The following MAST4 variants were observed in gnomAD, a reference collection of about 807,000 sequenced individuals.
MAST4 encodes microtubule associated serine/threonine kinase family member 4.
Under a neutral mutation model 162.7 loss-of-function variants are expected in MAST4, and 89 were observed. The observed-to-expected ratio is 0.55, with a 90% CI of 0.46 to 0.65. The LOEUF (loss-of-function observed/expected upper bound fraction) is 0.65, where lower values mean the gene tolerates loss of function less well. Among genes scored for constraint, MAST4 ranks in the 30% least tolerant of loss-of-function variants. The probability of loss-of-function intolerance (pLI) is 0.00; values close to 1 mark genes in which losing one functional copy is unlikely to be tolerated. For synonymous variants in MAST4, 1,479 were observed against 1,361.1 expected (o/e 1.09, Z -1.91); for missense variants, 3,153 against 3,374.0 (o/e 0.93, Z 1.62).
intron 24 of MAST4, among the ~76,000 whole-genome samples, chr5:67,150,538 T>G (rs1311255300): frequency 6.6e-6 from 1 of 152,186 alleles, no homozygotes; most frequent in African/African-American, 2.4e-5. Flanking sequence ...GTGTGACTCT[T>G]CATAAGCTGA....
At position 67,164,337 on chromosome 5, in the gene MAST4, G is replaced by C. The variant is rs754153287; in HGVS notation, c.5158G>C (p.Gly1720Arg). 7 of 1,613,932 alleles carry C rather than the reference G, an allele frequency of 4.3e-6. No homozygotes were observed. The highest frequency in any genetic ancestry group is 5.9e-6 in the Non-Finnish European group (7 of 1,179,870). The change falls in exon 29 of 29, where the codon GGG (glycine) becomes CGG (arginine). Residue 1720 changes from glycine (G) to arginine (R), a missense_variant. This residue lies in a region of MAST4 where 1,644 missense variants were observed against 1,495.0 expected (regional missense o/e 1.10). Transcript: ENST00000403625. This position sits in a 1 kb window ranked among gnomAD's most constrained non-coding sequence, Gnocchi z 5.3. ...AGCTGGCTCCCACGAATGCCTGCCA[G>C]GGAACCCAGTCCGACCCACGGGTGG... ...MTAGSHECLP[G>R]NPVRPTGGQQ...
intron 5 of MAST4, among the ~76,000 whole-genome samples, chr5:67,069,571 A>G (rs963482590): frequency 2.6e-5 from 4 of 152,072 alleles, no homozygotes; most frequent in African/African-American, 9.7e-5. Context: ...GACCCCCAGC[A>G]TGTTCTGGAT....
intron 4 of MAST4, among the ~76,000 whole-genome samples, chr5:66,911,631 G>A (rs986307999): frequency 1.4e-5 from 2 of 142,512 alleles, no homozygotes; most frequent in Non-Finnish European, 1.5e-5. Context: ...AGCTACTAGG[G>A]AGGCTGAGGC....
At chr5:66,655,895 T>C (rs1379212713) in intron 1 of MAST4, among the ~76,000 whole-genome samples, 1 of 152,214 alleles carries the variant, frequency 6.6e-6, no homozygotes, top group Non-Finnish European at 1.5e-5. Flanking sequence ...ATTTAAAAAA[T>C]TGCAGTCCAC....
At chr5:66,772,823 C>G (rs942717185) in intron 2 of MAST4, among the ~76,000 whole-genome samples, 1 of 152,204 alleles carries the variant, frequency 6.6e-6, no homozygotes, top group African/African-American at 2.4e-5. Flanking sequence ...GGATCCTATA[C>G]TCTCAAGGTC....
chr5:66,695,605 G>C (rs1295534038), intron 1 of MAST4, among the ~76,000 whole-genome samples: 1 of 151,962 alleles, frequency 6.6e-6, no homozygotes, highest in Non-Finnish European at 1.5e-5. Context: ...AATTACTTTG[G>C]GCAGTATGGC....
chr5:67,019,739 C>G (rs1048367569), intron 4 of MAST4, among the ~76,000 whole-genome samples: 5 of 152,140 alleles, frequency 3.3e-5, no homozygotes, highest in African/African-American at 1.2e-4. Context: ...GTGAAGAACC[C>G]TGTCATGGAC....
chr5:66,818,408 A>G (rs1471415793), intron 3 of MAST4, among the ~76,000 whole-genome samples: 1 of 149,806 alleles, frequency 6.7e-6, no homozygotes, highest in African/African-American at 2.4e-5. Flanking sequence ...TGTAGTATAA[A>G]GAGAAATTTT....
At chr5:66,992,776 G>A (rs1017244516) in intron 4 of MAST4, among the ~76,000 whole-genome samples, 12 of 152,174 alleles carry the variant, frequency 7.9e-5, no homozygotes, top group Non-Finnish European at 2.9e-5. Context: ...GTTCAACTTT[G>A]TAACTCCTCC....
intron 8 of MAST4, among the ~76,000 whole-genome samples, chr5:67,101,584 G>A (rs983062807): frequency 2.6e-5 from 4 of 152,110 alleles, no homozygotes; most frequent in Non-Finnish European, 5.9e-5. Flanking sequence ...GATATATTAA[G>A]GTTTTATTAT....
intron 1 of MAST4, among the ~76,000 whole-genome samples, chr5:66,694,729 C>T (rs911795883): frequency 3.3e-5 from 5 of 152,260 alleles, no homozygotes; most frequent in South Asian, 4.1e-4. Context: ...TCAGGTGATC[C>T]GCCCACCTTG....
Position 67,152,797 on chromosome 5 carries a change from C to G in MAST4, c.3456C>G (p.Gly1152=), listed in dbSNP as rs769996926. Residue 1152 remains glycine, a synonymous_variant, in exon 25 of 29, where the codon GGC becomes GGG. Coordinates refer to ENST00000403625, the MANE Select transcript of MAST4 (RefSeq NM_001164664.2). ...TCCACAGTTCGGGGAAGAACTACGGCTTTACCATCCGAGCCATCCGGGTGT... is the reference window on the plus strand; with the variant it reads ...TCCACAGTTCGGGGAAGAACTACGGGTTTACCATCCGAGCCATCCGGGTGT... ...IVIHSSGKNY[G]FTIRAIRVYV... is the part of the protein sequence containing the mutation. The G allele has an allele frequency of 1.2e-6, 2 of 1,614,056 alleles. No individual in the cohort carries two copies.
At chr5:66,890,693 C>G (rs1483498245) in intron 3 of MAST4, among the ~76,000 whole-genome samples, 1 of 152,174 alleles carries the variant, frequency 6.6e-6, no homozygotes, top group Non-Finnish European at 1.5e-5. Context: ...GCCTGATAGC[C>G]TACAGGAGGG....
chr5:67,080,998 T>A lies in MAST4; in HGVS notation c.764-9164T>A, dbSNP rs7700524. ...ATATAATATATATAATTGTATATAT[T>A]ATATAATATAATATATAATTGTATA... On this transcript the variant is annotated intron_variant, in intron 5 of 28. Transcript: ENST00000403625. 7.2e-3 allele frequency among the ~76,000 whole-genome samples: 951 copies of A among 131,558 alleles called. 23 individuals carry two copies. Among genetic ancestry groups the A allele is most frequent in the African/African-American group, 0.027 (851 of 31,602 alleles). 86.3% of individuals were successfully genotyped at this position (131,558 alleles called of 152,430 possible).
chr5:66,840,220 T>C (rs1311698214), intron 3 of MAST4, among the ~76,000 whole-genome samples: 1 of 152,158 alleles, frequency 6.6e-6, no homozygotes, highest in East Asian at 1.9e-4. Context: ...ATTTAGAAGC[T>C]AGGTCTAGAA....
At chr5:67,005,830 C>G (rs1751962200) in intron 4 of MAST4, among the ~76,000 whole-genome samples, 1 of 152,192 alleles carries the variant, frequency 6.6e-6, no homozygotes, top group South Asian at 2.1e-4. Context: ...GATTGTTGTA[C>G]TTTTAGAGGG....
chr5:67,136,454 T>C, intron 18 of MAST4, 109 bp from the exon 19 acceptor site: 1 of 734,720 alleles, frequency 1.4e-6, no homozygotes. Context: ...AGGTCCGGAG[T>C]GGGCCTGAAA....
chr5:66,942,118 A>C (rs980750769), intron 4 of MAST4, among the ~76,000 whole-genome samples: 1 of 152,144 alleles, frequency 6.6e-6, no homozygotes, highest in Non-Finnish European at 1.5e-5. Flanking sequence ...AAGTGAGTAC[A>C]TGCTGTTGGA....
At chr5:66,902,049 C>G (rs1267645231) in intron 4 of MAST4, among the ~76,000 whole-genome samples, 1 of 152,156 alleles carries the variant, frequency 6.6e-6, no homozygotes, top group East Asian at 1.9e-4. Flanking sequence ...CCTGTTAACA[C>G]TCTCTTAGTT....
Sources: gnomAD v4.1 joint callset for allele counts (sites outside exome capture counted in the v4.1 genomes callset) on GRCh38, gnomAD v4.1.1 for gene constraint, gnomAD v4.1.1 regional missense constraint, Gnocchi (gnomAD v3.1) non-coding constraint, MANE v1.5 for transcripts, NCBI Gene and HGNC (gene_info 2026-07-23, HGNC 2026-07-21) for gene names.